CSMD1: variants seen among roughly 807,000 people sequenced by gnomAD.
CSMD1 encodes the protein CUB and Sushi multiple domains 1, also known as CUB and sushi domain-containing protein 1.
CSMD1 carries 213 observed loss-of-function variants against 417.5 expected under a neutral mutation model. That is an observed-to-expected ratio of 0.51 (90% CI 0.46 to 0.57). CSMD1 has a LOEUF of 0.57. Among genes scored for constraint, CSMD1 ranks in the 20% least tolerant of loss-of-function variants. CSMD1 has a pLI of 0.00. For missense variants in CSMD1, 6,923 were observed against 4,529.7 expected (o/e 1.53, Z -15.17); for synonymous variants, 2,862 against 1,736.8 (o/e 1.65, Z -16.11).
At chr8:4,757,272 T>A (rs1811724989) in intron 1 of CSMD1, among the ~76,000 whole-genome samples, 1 of 152,148 alleles carries the variant, frequency 6.6e-6, no homozygotes, top group South Asian at 2.1e-4. Context: ...GTTTGCAAAA[T>A]GATAATGGAA....
intron 39 of CSMD1, among the ~76,000 whole-genome samples, chr8:3,152,537 T>G (rs1819262758): frequency 6.6e-6 from 1 of 152,170 alleles, no homozygotes; most frequent in Admixed American, 6.5e-5. Flanking sequence ...TCATCAAGAC[T>G]GAAACAACTT....
chr8:4,635,587 A>C (rs893066805), intron 2 of CSMD1, among the ~76,000 whole-genome samples: 5 of 152,124 alleles, frequency 3.3e-5, no homozygotes, highest in Non-Finnish European at 7.4e-5. Context: ...GTAAAGTCAT[A>C]ATTTTAACGT....
intron 50 of CSMD1, among the ~76,000 whole-genome samples, chr8:3,042,132 C>G (rs1317199198): frequency 1.3e-5 from 2 of 152,138 alleles, no homozygotes; most frequent in Non-Finnish European, 2.9e-5. Context: ...GTGATGGGGA[C>G]AATTCTCCAG....
intron 41 of CSMD1, among the ~76,000 whole-genome samples, chr8:3,142,064 T>C (rs891475884): frequency 1.3e-5 from 2 of 152,170 alleles, no homozygotes; most frequent in Non-Finnish European, 2.9e-5. Context: ...TCCAAAGTGC[T>C]GGGATTACAG....
chr8:3,934,720 T>G (rs1369838764), intron 5 of CSMD1, among the ~76,000 whole-genome samples: 1 of 151,976 alleles, frequency 6.6e-6, no homozygotes, highest in Non-Finnish European at 1.5e-5. Flanking sequence ...CCGGGCATGG[T>G]GGTGCACTCC....
intron 5 of CSMD1, among the ~76,000 whole-genome samples, 177 bp downstream of exon 5, chr8:3,997,726 A>C (rs977610710): frequency 2.0e-5 from 3 of 152,148 alleles, no homozygotes; most frequent in African/African-American, 7.2e-5. Flanking sequence ...CATCTTAGAA[A>C]CTTTGAAATT....
chr8:3,042,476 G>A (rs1205461340), intron 50 of CSMD1, among the ~76,000 whole-genome samples: 1 of 152,130 alleles, frequency 6.6e-6, no homozygotes, highest in Non-Finnish European at 1.5e-5. Flanking sequence ...TTTAGATGAG[G>A]TGGGGATGGG....
chr8:4,664,427 G>C (rs981126238), intron 1 of CSMD1, among the ~76,000 whole-genome samples: 15 of 152,180 alleles, frequency 9.9e-5, no homozygotes, highest in African/African-American at 3.1e-4. Flanking sequence ...GTTCCTGGTA[G>C]TTCCCGCCTG....
At chr8:3,314,496 C>T (rs1805599661) in intron 23 of CSMD1, among the ~76,000 whole-genome samples, 1 of 152,076 alleles carries the variant, frequency 6.6e-6, no homozygotes, top group African/African-American at 2.4e-5. Context: ...GCTCTAGAAA[C>T]TTTAAAAAAG....
intron 7 of CSMD1, among the ~76,000 whole-genome samples, chr8:3,659,683 A>G (rs967325034): frequency 1.1e-4 from 17 of 152,268 alleles, no homozygotes; most frequent in African/African-American, 3.9e-4. Context: ...TCTGTTAACA[A>G]TATGGGCTTT....
Position 3,087,297 on chromosome 8 carries a change from C to G in CSMD1, c.7286-12G>C. 3 of 1,610,800 alleles carry G rather than the reference C, an allele frequency of 1.9e-6. No individual in the cohort carries two copies. The highest frequency in any genetic ancestry group is 1.1e-5 in the South Asian group (1 of 90,992). On this transcript the variant is annotated splice_polypyrimidine_tract_variant and intron_variant, in intron 48 of 69. Transcript: ENST00000635120. ...ACTGCAGTAAGGTGCTGTGGGCAGA[C>G]AGACACACACAGAAATAAGTCAACA... is the stretch of plus-strand genomic sequence containing the variant.
chr8:3,561,919 G>C (rs1799483002), intron 10 of CSMD1, among the ~76,000 whole-genome samples: 1 of 152,224 alleles, frequency 6.6e-6, no homozygotes, highest in African/African-American at 2.4e-5. Context: ...TTCTGCATAA[G>C]CGAGGGATGC....
At chr8:3,119,722 A>C (rs1693939382) in intron 41 of CSMD1, among the ~76,000 whole-genome samples, 1 of 152,140 alleles carries the variant, frequency 6.6e-6, no homozygotes, top group South Asian at 2.1e-4. Context: ...ATTTAGGCAC[A>C]CCTTTGTCCA....
At chr8:3,758,323 C>T (rs1308408455) in intron 5 of CSMD1, among the ~76,000 whole-genome samples, 1 of 152,180 alleles carries the variant, frequency 6.6e-6, no homozygotes, top group Non-Finnish European at 1.5e-5. Flanking sequence ...TTATACAATC[C>T]ATTTTCCATG....
chr8:3,362,096 C>A (rs963689978), intron 20 of CSMD1, among the ~76,000 whole-genome samples: 8 of 152,088 alleles, frequency 5.3e-5, no homozygotes, highest in African/African-American at 1.9e-4. Flanking sequence ...TCTCTTATTT[C>A]CATCAAGATA....
At chr8:2,985,827 G>T (rs1805845945) in intron 54 of CSMD1, among the ~76,000 whole-genome samples, 1 of 151,680 alleles carries the variant, frequency 6.6e-6, no homozygotes, top group Non-Finnish European at 1.5e-5. Flanking sequence ...ATTCTACAAG[G>T]AAACCGGAAA....
intron 27 of CSMD1, 30 bp from the exon 28 acceptor site, chr8:3,223,897 A>G (rs1250262968): frequency 6.2e-7 from 1 of 1,611,512 alleles, no homozygotes; most frequent in Admixed American, 1.7e-5. Flanking sequence ...ACAGAGAAAA[A>G]GTAAGGACAG....
chr8:4,184,261 A>T (rs1341172840), intron 3 of CSMD1, among the ~76,000 whole-genome samples: 1 of 152,220 alleles, frequency 6.6e-6, no homozygotes, highest in Non-Finnish European at 1.5e-5. Flanking sequence ...AGCACAGCCC[A>T]TATGCTCATT....
chr8:4,493,721 C>T (rs560905223), intron 2 of CSMD1, among the ~76,000 whole-genome samples: 13 of 152,116 alleles, frequency 8.5e-5, no homozygotes, highest in Non-Finnish European at 1.3e-4. Flanking sequence ...ATATCAAAAA[C>T]AAAAACCTAA....
Sources: gnomAD v4.1 joint callset for allele counts (sites outside exome capture counted in the v4.1 genomes callset) on GRCh38, gnomAD v4.1.1 for gene constraint, MANE v1.5 for transcripts, NCBI Gene and HGNC (gene_info 2026-07-23, HGNC 2026-07-21) for gene names.